The following PABPC1L variants were observed in gnomAD, a reference collection of about 807,000 sequenced individuals.
The protein encoded by PABPC1L is poly(A) binding protein cytoplasmic 1 like.
A neutral mutation model predicts 66.6 loss-of-function variants in PABPC1L; 31 were observed. That is an observed-to-expected ratio of 0.47 (90% CI 0.35 to 0.63). PABPC1L has a LOEUF of 0.63. Ranked by LOEUF, PABPC1L falls within the 20% of genes least tolerant of loss-of-function variation. The pLI, the probability that PABPC1L is intolerant of heterozygous loss-of-function variation, is 0.00. For missense variants in PABPC1L, 722 were observed against 848.8 expected (o/e 0.85, Z 1.86); for synonymous variants, 348 against 335.1 (o/e 1.04, Z -0.42).
Position 44,936,750 on chromosome 20 carries a change from A to G in PABPC1L, c.1660+20A>G, listed in dbSNP as rs765743242. The G allele has an allele frequency of 6.3e-7, 1 of 1,593,092 alleles. No homozygotes were observed. Among genetic ancestry groups the G allele is most frequent in the South Asian group, 1.1e-5 (1 of 87,244 alleles). On this transcript the variant is annotated intron_variant, in intron 12 of 14. Transcript: ENST00000217073. The stretch of plus-strand genomic sequence containing the variant: ...TGATTGGTGAGTGGCTGGTTCTCCT[A>G]CTGTGGAGCAAGAAGAGGAGGGCTG...
chr20:44,929,669 C>G (rs191193918), intron 7 of PABPC1L, among the ~76,000 whole-genome samples: 1 of 151,866 alleles, frequency 6.6e-6, no homozygotes, highest in Non-Finnish European at 1.5e-5. Context: ...GTGGCACACG[C>G]CTGTAGTCCC....
chr20:44,934,732 A>T (rs541704643), intron 10 of PABPC1L, among the ~76,000 whole-genome samples: 37 of 152,320 alleles, frequency 2.4e-4, no homozygotes, highest in Non-Finnish European at 1.9e-4. Flanking sequence ...CTATCAATGG[A>T]CACTTTTCTA....
In PABPC1L at chr20:44,916,651, C is replaced by T. The variant is rs904332255; in HGVS notation, c.388-105C>T. The T allele has an allele frequency of 5.7e-6, 6 of 1,056,644 alleles. No homozygotes were observed. The East Asian group carries it at 1.2e-4, about 21-fold the overall frequency. 65.5% of individuals were successfully genotyped at this position (1,056,644 alleles called of 1,614,324 possible). A position where few individuals can be genotyped will look rare whatever the true frequency, so the allele number is the denominator to read the frequency against. ...TCCCTAACATGCAGGATTGCCTTTT[C>T]CAGGCACAGCAGGCATGCAGAGACT... On this transcript the variant is annotated intron_variant, in intron 2 of 14. Transcript: ENST00000217073.
chr20:44,910,110 C>G lies in PABPC1L; in HGVS notation c.-34C>G. On this transcript the variant is annotated 5_prime_UTR_variant, in exon 1 of 15. Coordinates refer to ENST00000217073, the MANE Select transcript of PABPC1L (RefSeq NM_001372179.1). Reference sequence around the variant, plus strand: ...GCGGGGCTGCTGGGTGACCCGGCTCCTGCTTGCCCCGCAGCCCCGGCCCCC... The same window carrying G: ...GCGGGGCTGCTGGGTGACCCGGCTCGTGCTTGCCCCGCAGCCCCGGCCCCC... The G allele has an allele frequency of 6.6e-7, 1 of 1,521,442 alleles. No individual in the cohort carries two copies. Among genetic ancestry groups the G allele is most frequent in the Non-Finnish European group, 8.9e-7 (1 of 1,128,860 alleles). 94.2% of individuals were successfully genotyped at this position (1,521,442 alleles called of 1,614,324 possible).
At chr20:44,930,876 G>GGA in intron 8 of PABPC1L, 150 bp downstream of exon 8, 1 of 1,118,712 alleles carries the variant, frequency 8.9e-7, no homozygotes, top group Non-Finnish European at 1.2e-6. Flanking sequence ...TCTATAAAAG[G>GGA]GAGAGATAGT....
intron 7 of PABPC1L, among the ~76,000 whole-genome samples, chr20:44,929,606 C>T (rs2066835500): frequency 6.6e-6 from 1 of 151,866 alleles, no homozygotes; most frequent in South Asian, 2.1e-4. Flanking sequence ...ACCAGCCTGG[C>T]CAACATGGTG....
chr20:44,910,353 G>C lies in PABPC1L; in HGVS notation c.193+17G>C. ...CCGCGGACGGTGAGCCCCGGGGATG[G>C]GGCGGGAGGGGAAGGACCGACGGAC... On this transcript the variant is annotated intron_variant, in intron 1 of 14. Coordinates refer to ENST00000217073, the MANE Select transcript of PABPC1L (RefSeq NM_001372179.1). The C allele has an allele frequency of 6.8e-7, 1 of 1,481,162 alleles. No individual in the cohort carries two copies. The highest frequency in any genetic ancestry group is 9.0e-7 in the Non-Finnish European group (1 of 1,107,984). The allele number at this position is 1,481,162 out of a possible 1,614,324, so 91.8% of individuals were successfully genotyped here. A position where few individuals can be genotyped will look rare whatever the true frequency, so the allele number is the denominator to read the frequency against.
At chr20:44,916,957 C>A in intron 3 of PABPC1L, 86 bp downstream of exon 3, 2 of 1,309,598 alleles carry the variant, frequency 1.5e-6, no homozygotes, top group Non-Finnish European at 2.2e-6. Context: ...TACCCTCAAG[C>A]TGCTAATGGG....
In PABPC1L at chr20:44,910,111, T is replaced by G. The variant is rs772252248; in HGVS notation, c.-33T>G. 1.3e-6 allele frequency: 2 copies of G among 1,524,882 alleles called. No homozygotes were observed. Among genetic ancestry groups the G allele is most frequent in the Non-Finnish European group, 1.8e-6 (2 of 1,130,934 alleles). 94.5% of individuals were successfully genotyped at this position (1,524,882 alleles called of 1,614,324 possible). A position where few individuals can be genotyped will look rare whatever the true frequency, so the allele number is the denominator to read the frequency against. On this transcript the variant is annotated 5_prime_UTR_variant, in exon 1 of 15. Coordinates refer to ENST00000217073, the MANE Select transcript of PABPC1L (RefSeq NM_001372179.1). ...CGGGGCTGCTGGGTGACCCGGCTCC[T>G]GCTTGCCCCGCAGCCCCGGCCCCCT... is the stretch of plus-strand genomic sequence containing the variant.
chr20:44,932,648 C>T, intron 9 of PABPC1L: 1 of 518,880 alleles, frequency 1.9e-6, no homozygotes, highest in Non-Finnish European at 3.4e-6. Flanking sequence ...CGCAGCTAGC[C>T]ACCAGCAGTC....
At chr20:44,934,950 C>T (rs2066888867) in intron 10 of PABPC1L, among the ~76,000 whole-genome samples, 1 of 152,058 alleles carries the variant, frequency 6.6e-6, no homozygotes. Context: ...TGCTTGTAAT[C>T]CCAGCTACTT....
chr20:44,938,011 TG>T, intron 12 of PABPC1L, 49 bp from the exon 13 acceptor site: 1 of 1,611,158 alleles, frequency 6.2e-7, no homozygotes, highest in Non-Finnish European at 8.5e-7. Context: ...CCTGGGATGC[TG>T]GGGTGTGAGC....
chr20:44,932,486 T>C, intron 9 of PABPC1L, 54 bp downstream of exon 9: 2 of 1,491,916 alleles, frequency 1.3e-6, no homozygotes, highest in Non-Finnish European at 9.2e-7. Flanking sequence ...GTGGGCCCCG[T>C]GAGGCAGTCA....
In PABPC1L at chr20:44,925,190, G is replaced by A. The variant is rs182986235; in HGVS notation, c.972+934G>A. The stretch of plus-strand genomic sequence containing the variant: ...ATCGTGCCACTGCACTCCAGCCTGG[G>A]CAACAGCGAGACTCTGTCTCAAAAA... On this transcript the variant is annotated intron_variant, in intron 7 of 14. Transcript: ENST00000217073. Among the ~76,000 whole-genome samples the A allele has an allele frequency of 4.3e-3, 574 of 134,898 alleles. 7 individuals are homozygous for A. The highest frequency in any genetic ancestry group is 0.016 in the African/African-American group (560 of 35,560). 88.5% of individuals were successfully genotyped at this position (134,898 alleles called of 152,430 possible). A position where few individuals can be genotyped will look rare whatever the true frequency, so the allele number is the denominator to read the frequency against.
At chr20:44,915,023 A>G (rs1340790334) in intron 2 of PABPC1L, among the ~76,000 whole-genome samples, 1 of 152,230 alleles carries the variant, frequency 6.6e-6, no homozygotes, top group Non-Finnish European at 1.5e-5. Flanking sequence ...GTGGGGACCC[A>G]GTCAACGTGG....
At chr20:44,927,690 A>AT (rs1304448507) in intron 7 of PABPC1L, among the ~76,000 whole-genome samples, 1 of 152,022 alleles carries the variant, frequency 6.6e-6, no homozygotes, top group African/African-American at 2.4e-5. Context: ...TTCTAAGAAT[A>AT]TTTTTTAAAA....
intron 7 of PABPC1L, among the ~76,000 whole-genome samples, chr20:44,927,056 T>G (rs897442492): frequency 6.6e-6 from 1 of 151,512 alleles, no homozygotes; most frequent in African/African-American, 2.4e-5. Context: ...AAAAAAAAAT[T>G]TTTTTTTGGT....
chr20:44,931,374 G>A lies in PABPC1L; in HGVS notation c.1239+648G>A, dbSNP rs575469262. Among the ~76,000 whole-genome samples, 121 of 151,616 alleles carry A rather than the reference G, an allele frequency of 8.0e-4. No individual in the cohort carries two copies. The Middle Eastern group carries it at 0.014, about 17-fold the overall frequency. ...TTGTTTATTTTAAAGAAGGGGTCTC[G>A]CCATGTTGCCCAGGCTGGTCTCAAA... On this transcript the variant is annotated intron_variant, in intron 8 of 14. Transcript: ENST00000217073.
At chr20:44,926,077 T>C (rs1232862407) in intron 7 of PABPC1L, among the ~76,000 whole-genome samples, 1 of 152,228 alleles carries the variant, frequency 6.6e-6, no homozygotes, top group Non-Finnish European at 1.5e-5. Flanking sequence ...TGATTCATCA[T>C]ACACCTTGCA....
Sources: gnomAD v4.1 joint callset for allele counts (sites outside exome capture counted in the v4.1 genomes callset) on GRCh38, gnomAD v4.1.1 for gene constraint, MANE v1.5 for transcripts, NCBI Gene and HGNC (gene_info 2026-07-23, HGNC 2026-07-21) for gene names.